The following PTPRT variants were observed in gnomAD, a reference collection of about 807,000 sequenced individuals.
The protein encoded by PTPRT is protein tyrosine phosphatase receptor type T.
In PTPRT, 56 loss-of-function variants were observed where a neutral mutation model predicts 176.8. The ratio of observed to expected loss-of-function variants is 0.32; its 90% CI spans 0.26 to 0.40. The LOEUF is 0.40. PTPRT is among the 10% of genes least tolerant of loss of function. The pLI, the probability that PTPRT is intolerant of heterozygous loss-of-function variation, is 1.00. For missense variants in PTPRT, 1,540 were observed against 1,908.2 expected (o/e 0.81, Z 3.60); for synonymous variants, 783 against 739.0 (o/e 1.06, Z -0.96).
At chr20:43,164,968 A>G (rs907176298) in intron 1 of PTPRT, among the ~76,000 whole-genome samples, 1 of 152,110 alleles carries the variant, frequency 6.6e-6, no homozygotes, top group African/African-American at 2.4e-5. Context: ...GTAAGCTGAT[A>G]TGGTTTGGCT....
At chr20:42,140,990 T>G (rs1275614246) in intron 18 of PTPRT, among the ~76,000 whole-genome samples, 1 of 152,132 alleles carries the variant, frequency 6.6e-6, no homozygotes, top group Non-Finnish European at 1.5e-5. Context: ...GCCCTACAGT[T>G]GGGATAGAAA....
At chr20:42,463,187 T>G (rs1049952099) in intron 8 of PTPRT, among the ~76,000 whole-genome samples, 5 of 152,168 alleles carry the variant, frequency 3.3e-5, no homozygotes, top group African/African-American at 9.7e-5. Flanking sequence ...GGTCTCTCTC[T>G]CTCTCTCATT....
chr20:43,008,237 T>C (rs1984951438), intron 1 of PTPRT, among the ~76,000 whole-genome samples: 1 of 152,088 alleles, frequency 6.6e-6, no homozygotes, highest in African/African-American at 2.4e-5. Context: ...ATAGGATTCA[T>C]GAATAGGATT....
intron 12 of PTPRT, among the ~76,000 whole-genome samples, chr20:42,299,497 T>C (rs1041881949): frequency 6.6e-6 from 1 of 152,154 alleles, no homozygotes; most frequent in Non-Finnish European, 1.5e-5. Context: ...TTGAGTATTC[T>C]ATGTTGAACA....
intron 2 of PTPRT, among the ~76,000 whole-genome samples, chr20:42,794,079 T>C (rs1466681855): frequency 1.3e-5 from 2 of 152,176 alleles, no homozygotes. Context: ...CCCACTTCTT[T>C]CCATCCTAGC....
chr20:42,839,994 C>T (rs560101760), intron 2 of PTPRT, among the ~76,000 whole-genome samples: 1 of 152,246 alleles, frequency 6.6e-6, no homozygotes, highest in East Asian at 1.9e-4. Flanking sequence ...TTGGTTTCCT[C>T]AGCTGCCGTA....
intron 11 of PTPRT, among the ~76,000 whole-genome samples, chr20:42,325,034 G>A (rs1207030456): frequency 6.6e-6 from 1 of 152,120 alleles, no homozygotes; most frequent in Non-Finnish European, 1.5e-5. Context: ...AGTAAACATA[G>A]CAGGTTCAAA....
intron 7 of PTPRT, among the ~76,000 whole-genome samples, chr20:42,481,584 A>T (rs1019324415): frequency 1.3e-5 from 2 of 152,096 alleles, no homozygotes; most frequent in African/African-American, 4.8e-5. Context: ...ATGGTATCAG[A>T]ATAGTTGGGA....
At chr20:42,967,597 T>C (rs1982373535) in intron 1 of PTPRT, among the ~76,000 whole-genome samples, 1 of 152,076 alleles carries the variant, frequency 6.6e-6, no homozygotes, top group South Asian at 2.1e-4. Context: ...GAGAACAAAT[T>C]TGTGTTGTTT....
intron 1 of PTPRT, among the ~76,000 whole-genome samples, chr20:43,046,426 G>A (rs1986840927): frequency 7.2e-6 from 1 of 139,496 alleles, no homozygotes; most frequent in African/African-American, 3.1e-5. Flanking sequence ...AAATTAGCTG[G>A]GTGTGGTGGA....
At chr20:42,429,677 C>G (rs1191609492) in intron 9 of PTPRT, among the ~76,000 whole-genome samples, 1 of 152,144 alleles carries the variant, frequency 6.6e-6, no homozygotes, top group Admixed American at 6.5e-5. Context: ...CTATCCTATG[C>G]CAGGAAGTCT....
intron 6 of PTPRT, chr20:42,687,779 AT>A (rs1431612471): frequency 2.6e-5 from 4 of 152,074 alleles, no homozygotes; most frequent in African/African-American, 9.7e-5. Context: ...TCCAGTTTGG[AT>A]CTTAAGAGTT....
At chr20:42,470,603 AG>A (rs1304285221) in intron 8 of PTPRT, among the ~76,000 whole-genome samples, 1 of 152,040 alleles carries the variant, frequency 6.6e-6, no homozygotes, top group Non-Finnish European at 1.5e-5. Context: ...AGTGTTTCTT[AG>A]GTAAGCCCTG....
intron 9 of PTPRT, among the ~76,000 whole-genome samples, chr20:42,356,546 A>T (rs2058360524): frequency 6.6e-6 from 1 of 151,922 alleles, no homozygotes; most frequent in Admixed American, 6.6e-5. Flanking sequence ...ATTACAAAAA[A>T]TTATCCAGGT....
intron 1 of PTPRT, among the ~76,000 whole-genome samples, chr20:43,089,558 T>C (rs1039952107): frequency 2.0e-5 from 3 of 152,136 alleles, no homozygotes. Context: ...TATCATAAAA[T>C]CACTGTGAAC....
intron 7 of PTPRT, among the ~76,000 whole-genome samples, chr20:42,533,871 G>A (rs117724500): frequency 5.3e-4 from 81 of 152,316 alleles, no homozygotes; most frequent in Non-Finnish European, 9.9e-4. Flanking sequence ...AGGGAATGGG[G>A]GTGAAGGGTG....
At chr20:42,320,129 G>T (rs2057779256) in intron 11 of PTPRT, among the ~76,000 whole-genome samples, 1 of 152,092 alleles carries the variant, frequency 6.6e-6, no homozygotes, top group Non-Finnish European at 1.5e-5. Flanking sequence ...GTTATACTGT[G>T]CCCCCAACTA....
At chr20:42,557,354 C>G (rs1447930864) in intron 7 of PTPRT, among the ~76,000 whole-genome samples, 2 of 152,146 alleles carry the variant, frequency 1.3e-5, no homozygotes, top group African/African-American at 4.8e-5. Context: ...TCTGCTCCTA[C>G]CCCTTGCTCT....
chr20:42,272,267 T>G (rs913327330), intron 13 of PTPRT, among the ~76,000 whole-genome samples: 1 of 152,220 alleles, frequency 6.6e-6, no homozygotes, highest in African/African-American at 2.4e-5. Context: ...TTCTTATATG[T>G]ATGGTTGCTT....
Sources: gnomAD v4.1 joint callset for allele counts (sites outside exome capture counted in the v4.1 genomes callset) on GRCh38, gnomAD v4.1.1 for gene constraint, MANE v1.5 for transcripts, NCBI Gene and HGNC (gene_info 2026-07-23, HGNC 2026-07-21) for gene names.